The following XRRA1 variants were observed in gnomAD, a reference collection of about 807,000 sequenced individuals.
XRRA1 encodes X-ray radiation resistance-associated protein 1.
In XRRA1, 69 loss-of-function variants were observed where a neutral mutation model predicts 80.2. The observed-to-expected ratio is 0.86, with a 90% CI of 0.71 to 1.05. XRRA1 has a LOEUF of 1.05. Among genes scored for constraint, XRRA1 ranks in the 50% least tolerant of loss-of-function variants. The probability of loss-of-function intolerance (pLI) is 0.00; values close to 1 mark genes in which losing one functional copy is unlikely to be tolerated. For missense variants in XRRA1, 967 were observed against 976.4 expected, an observed-to-expected ratio of 0.99 and a Z score of 0.13; for synonymous variants, 348 against 389.9, an observed-to-expected ratio of 0.89 and a Z score of 1.27.
intron 10 of XRRA1, among the ~76,000 whole-genome samples, chr11:74,904,578 G>GA (rs372878861): frequency 6.7e-6 from 1 of 150,196 alleles, no homozygotes; most frequent in African/African-American, 2.4e-5. Context: ...CTCACAAGAA[G>GA]AAAAAAAAGA....
chr11:74,906,539 A>G, intron 9 of XRRA1, 83 bp from the exon 10 acceptor site: 6 of 1,470,018 alleles, frequency 4.1e-6, no homozygotes, highest in Non-Finnish European at 5.5e-6. Context: ...GGGAAAAAAC[A>G]TGGAATCAGG....
chr11:74,861,136 G>C (rs964870722), intron 11 of XRRA1, among the ~76,000 whole-genome samples: 1 of 152,198 alleles, frequency 6.6e-6, no homozygotes, highest in African/African-American at 2.4e-5. Flanking sequence ...TCCACAGGGA[G>C]GGGGCATGAA....
intron 4 of XRRA1, among the ~76,000 whole-genome samples, chr11:74,934,243 C>A (rs1426591260): frequency 6.6e-6 from 1 of 152,190 alleles, no homozygotes; most frequent in Non-Finnish European, 1.5e-5. Context: ...TCTGTAATCA[C>A]TAGACTCTAT....
In XRRA1 at chr11:74,894,230, GAAAA is replaced by G. The variant is rs373641217; in HGVS notation, c.1003+12005_1003+12008del. Among the ~76,000 whole-genome samples, 1,118 of 152,198 alleles carry G rather than the reference GAAAA, an allele frequency of 7.3e-3. 11 individuals are homozygous for G. The highest frequency in any genetic ancestry group is 0.026 in the African/African-American group (1,062 of 41,514). ...AACATCAAGTACATATTAACACAAA[GAAAA>G]GAAAAACAGGCACCAGGATCTACTT... On this transcript the variant is annotated intron_variant, in intron 10 of 18. Transcript: ENST00000684022.
intron 8 of XRRA1, chr11:74,910,060 G>C (rs188245605): frequency 6.6e-6 from 1 of 152,182 alleles, no homozygotes; most frequent in Non-Finnish European, 1.5e-5. Context: ...TAAGACTTTC[G>C]ATTAGGCTAA....
intron 10 of XRRA1, among the ~76,000 whole-genome samples, chr11:74,868,875 A>G (rs527555936): frequency 1.3e-5 from 2 of 152,320 alleles, no homozygotes; most frequent in East Asian, 3.9e-4. Flanking sequence ...ACATATAAAG[A>G]GACTTGGATA....
chr11:74,851,416 C>T (rs1280839343), intron 13 of XRRA1, among the ~76,000 whole-genome samples: 1 of 152,136 alleles, frequency 6.6e-6, no homozygotes, highest in African/African-American at 2.4e-5. Flanking sequence ...CACAGAGAGG[C>T]TAAGGAATTT....
At chr11:74,881,821 T>A (rs1228577481) in intron 10 of XRRA1, among the ~76,000 whole-genome samples, 1 of 149,444 alleles carries the variant, frequency 6.7e-6, no homozygotes, top group Non-Finnish European at 1.5e-5. Context: ...TCTTTAAGAA[T>A]GTTGAATATT....
intron 7 of XRRA1, among the ~76,000 whole-genome samples, chr11:74,925,745 G>A (rs933272253): frequency 6.6e-6 from 1 of 152,178 alleles, no homozygotes; most frequent in African/African-American, 2.4e-5. Flanking sequence ...CTAGTCAGTT[G>A]TGGGGTCAGA....
chr11:74,923,586 TC>T (rs1941470354), intron 7 of XRRA1, among the ~76,000 whole-genome samples: 1 of 152,204 alleles, frequency 6.6e-6, no homozygotes, highest in Admixed American at 6.5e-5. Flanking sequence ...GAATGGTTTT[TC>T]TAAAATGCAG....
intron 10 of XRRA1, chr11:74,876,601 G>A (rs2046095805): frequency 6.6e-6 from 1 of 152,098 alleles, no homozygotes; most frequent in Admixed American, 6.6e-5. Flanking sequence ...AAGTTAGGAA[G>A]GGCCCTACAC....
At chr11:74,852,134 C>A (rs557010571) in intron 12 of XRRA1, 52 bp from the exon 13 acceptor site, 1 of 1,482,108 alleles carries the variant, frequency 6.7e-7, no homozygotes, top group Non-Finnish European at 9.4e-7. Context: ...CTCACCTCTA[C>A]CCAGGTATGT....
chr11:74,862,752 G>A (rs1344774214), intron 11 of XRRA1, among the ~76,000 whole-genome samples: 1 of 152,226 alleles, frequency 6.6e-6, no homozygotes, highest in East Asian at 1.9e-4. Context: ...AGACATGTCT[G>A]TCTGTGGCCA....
intron 10 of XRRA1, among the ~76,000 whole-genome samples, chr11:74,893,074 A>G (rs1348434024): frequency 6.6e-6 from 1 of 152,252 alleles, no homozygotes; most frequent in African/African-American, 2.4e-5. Context: ...CCAAAGGATT[A>G]TAAGTCATGC....
chr11:74,913,719 G>A (rs982906866), intron 8 of XRRA1: 1 of 152,102 alleles, frequency 6.6e-6, no homozygotes, highest in African/African-American at 2.4e-5. Flanking sequence ...TGGACCTGGC[G>A]AGCAGGAAAA....
At chr11:74,847,147 C>T (rs1204941721) in intron 15 of XRRA1, among the ~76,000 whole-genome samples, 1 of 152,112 alleles carries the variant, frequency 6.6e-6, no homozygotes, top group Admixed American at 6.5e-5. Flanking sequence ...TATTTATATT[C>T]TGCATTGCTC....
intron 7 of XRRA1, among the ~76,000 whole-genome samples, chr11:74,924,792 C>T (rs1208260811): frequency 6.6e-6 from 1 of 152,144 alleles, no homozygotes; most frequent in East Asian, 1.9e-4. Flanking sequence ...GAGATTGTGC[C>T]ACTTACTCCT....
At chr11:74,948,379 T>A (rs1262831340) in intron 1 of XRRA1, among the ~76,000 whole-genome samples, 1 of 151,438 alleles carries the variant, frequency 6.6e-6, no homozygotes, top group East Asian at 1.9e-4. Flanking sequence ...AATACAATAC[T>A]GCTATTTGAT....
At chr11:74,922,702 C>T (rs893788207) in intron 7 of XRRA1, among the ~76,000 whole-genome samples, 3 of 152,162 alleles carry the variant, frequency 2.0e-5, no homozygotes, top group Non-Finnish European at 1.5e-5. Context: ...CAGAGAAGGA[C>T]TGGGTTTGGT....
Sources: gnomAD v4.1 joint callset for allele counts (sites outside exome capture counted in the v4.1 genomes callset) on GRCh38, gnomAD v4.1.1 for gene constraint, MANE v1.5 for transcripts, NCBI Gene and HGNC (gene_info 2026-07-23, HGNC 2026-07-21) for gene names.